Variants in ADGRG5 observed in about 807,000 individuals in gnomAD.
The protein encoded by ADGRG5 is adhesion G protein-coupled receptor G5.
ADGRG5 carries 37 observed loss-of-function variants against 53.2 expected under a neutral mutation model. The observed-to-expected ratio is 0.70, with a 90% CI of 0.53 to 0.91. The LOEUF (loss-of-function observed/expected upper bound fraction) is 0.91, where lower values mean the gene tolerates loss of function less well. Ranked by LOEUF, ADGRG5 falls within the 40% of genes least tolerant of loss-of-function variation. The pLI is 0.00. For missense variants in ADGRG5, 614 were observed against 675.8 expected (o/e 0.91, Z 1.01); for synonymous variants, 277 against 290.4 (o/e 0.95, Z 0.47).
upstream of ADGRG5, among the ~76,000 whole-genome samples, chr16:57,541,773 C>CT (rs555810939): frequency 1.3e-3 from 198 of 152,228 alleles, no homozygotes; most frequent in African/African-American, 4.6e-3. Context: ...ATTACCAACA[C>CT]TCTCTCTCTA....
At chr16:57,546,588 T>C (rs2032626284) in intron 1 of ADGRG5, among the ~76,000 whole-genome samples, 1 of 152,242 alleles carries the variant, frequency 6.6e-6, no homozygotes, top group Non-Finnish European at 1.5e-5. Flanking sequence ...TATGGCCTTC[T>C]TTTGGCCAGG....
At chr16:57,543,105 G>T (rs1221846238) in intron 1 of ADGRG5, 1 of 152,076 alleles carries the variant, frequency 6.6e-6, no homozygotes, top group Non-Finnish European at 1.5e-5. Context: ...GTTTGTGCTT[G>T]GCAATCTGGA....
chr16:57,574,163 G>A lies in ADGRG5; in HGVS notation c.1209-652G>A, dbSNP rs564611768. On this transcript the variant is annotated intron_variant, in intron 10 of 11. Coordinates refer to ENST00000349457, the MANE Select transcript of ADGRG5 (RefSeq NM_001304376.3). This position sits in a 1 kb window ranked among gnomAD's most constrained non-coding sequence, Gnocchi z 4.4. Reference sequence around the variant, plus strand: ...GGGGAGGCAAAGGGCAGAGGCCTCCGGGAGGGCGTGGGACCGGGGCTGGCT... The same window carrying A: ...GGGGAGGCAAAGGGCAGAGGCCTCCAGGAGGGCGTGGGACCGGGGCTGGCT... 3.3e-5 allele frequency among the ~76,000 whole-genome samples: 5 copies of A among 152,352 alleles called. No individual in the cohort carries two copies. The South Asian group carries it at 8.3e-4, about 25-fold the overall frequency.
At chr16:57,564,312 A>ATTT (rs5817100) in intron 5 of ADGRG5, among the ~76,000 whole-genome samples, 9 of 139,756 alleles carry the variant, frequency 6.4e-5, no homozygotes, top group African/African-American at 2.1e-4. Flanking sequence ...GACCTTACAG[A>ATTT]TTTTTTTTTT....
At chr16:57,548,086 C>T (rs1373551048) in intron 1 of ADGRG5, among the ~76,000 whole-genome samples, 2 of 151,834 alleles carry the variant, frequency 1.3e-5, no homozygotes, top group Admixed American at 1.3e-4. Context: ...ACTATGTTGC[C>T]TAGGCTGGTC....
intron 1 of ADGRG5, among the ~76,000 whole-genome samples, chr16:57,551,484 A>G (rs1448537460): frequency 6.6e-6 from 1 of 152,088 alleles, no homozygotes; most frequent in Non-Finnish European, 1.5e-5. Context: ...CCAGGAGTAG[A>G]TTCCATTTCA....
At chr16:57,573,076 C>G (rs1411671479) in intron 10 of ADGRG5, among the ~76,000 whole-genome samples, 1 of 152,124 alleles carries the variant, frequency 6.6e-6, no homozygotes, top group Admixed American at 6.5e-5. Context: ...TTGCAGGGGA[C>G]AAGTCACATA....
upstream of ADGRG5, among the ~76,000 whole-genome samples, chr16:57,537,869 G>A (rs2032427981): frequency 6.6e-6 from 1 of 152,182 alleles, no homozygotes; most frequent in African/African-American, 2.4e-5. Context: ...ATAGATAGGA[G>A]ATGTATGTGG....
Position 57,566,708 on chromosome 16 carries a change from TG to T in ADGRG5, c.657del (p.Leu220SerfsTer45). 6 of 1,582,144 alleles carry T rather than the reference TG, an allele frequency of 3.8e-6. No homozygotes were observed. Among genetic ancestry groups the T allele is most frequent in the Non-Finnish European group, 3.4e-6 (4 of 1,164,696 alleles). ...ACAGAGCAGCCCTCCCACTCTCAGG[TG>T]CTCTGCCGCTGCAACCACCTCACCT... is the stretch of plus-strand genomic sequence containing the variant. Reference protein sequence around the residue: ...CRTEQPSHSQVLCRCNHLTYF... With the variant: ...CRTEQPSHSQXLCRCNHLTYF... On this transcript the variant is annotated frameshift_variant, in exon 7 of 12. Transcript: ENST00000349457. LOFTEE classifies it high-confidence loss of function.
chr16:57,541,163 G>T (rs4784823), upstream of ADGRG5, among the ~76,000 whole-genome samples: 1 of 151,890 alleles, frequency 6.6e-6, no homozygotes, highest in Non-Finnish European at 1.5e-5. Context: ...GCTAAGTAAC[G>T]GGCACTAACT....
chr16:57,569,810 C>T (rs925256932), intron 9 of ADGRG5, among the ~76,000 whole-genome samples: 9 of 151,872 alleles, frequency 5.9e-5, no homozygotes, highest in Non-Finnish European at 1.3e-4. Context: ...ATCTCCTCCA[C>T]CTCTATCATC....
chr16:57,565,285 G>T, intron 6 of ADGRG5, 135 bp downstream of exon 6: 1 of 658,234 alleles, frequency 1.5e-6, no homozygotes, highest in Non-Finnish European at 2.8e-6. Flanking sequence ...TCCTGCTCAA[G>T]AAATAAGAGA....
In ADGRG5 at chr16:57,565,029, TC is replaced by T; in HGVS notation, c.430-3del. On this transcript the variant is annotated splice_polypyrimidine_tract_variant and splice_region_variant and intron_variant, in intron 5 of 11. Transcript: ENST00000349457. ...CACTCAGCCCTTCTCCTGCTGCCCT[TC>T]CAGGATGAAAACAACTCATCTCTGC... The T allele has an allele frequency of 2.5e-6, 4 of 1,599,178 alleles. No individual in the cohort carries two copies. The highest frequency in any genetic ancestry group is 2.6e-6 in the Non-Finnish European group (3 of 1,166,792).
intron 1 of ADGRG5, among the ~76,000 whole-genome samples, chr16:57,561,614 G>T (rs1328543593): frequency 6.6e-6 from 1 of 152,208 alleles, no homozygotes; most frequent in Non-Finnish European, 1.5e-5. Context: ...TGAAGCAGAA[G>T]TTTATTAGTT....
intron 2 of ADGRG5, 73 bp downstream of exon 2, chr16:57,562,230 C>T (rs1324088716): frequency 6.7e-7 from 1 of 1,499,308 alleles, no homozygotes; most frequent in Non-Finnish European, 9.1e-7. Context: ...GGGGAGGCGT[C>T]AAACCATGGG....
At chr16:57,564,294 T>C (rs1316781122) in intron 5 of ADGRG5, among the ~76,000 whole-genome samples, 1 of 151,642 alleles carries the variant, frequency 6.6e-6, no homozygotes, top group Non-Finnish European at 1.5e-5. Context: ...TCTTGATGCC[T>C]AGACTAAGAC....
At chr16:57,558,723 A>C (rs1462387621) in intron 1 of ADGRG5, among the ~76,000 whole-genome samples, 1 of 151,982 alleles carries the variant, frequency 6.6e-6, no homozygotes, top group Non-Finnish European at 1.5e-5. Flanking sequence ...GGGGATCTTG[A>C]GTGGAAGTGA....
At chr16:57,529,988 C>T in the ADGRG5 span, among the ~76,000 whole-genome samples, 1 of 152,156 alleles carries the variant, frequency 6.6e-6, no homozygotes, top group Non-Finnish European at 1.5e-5. The surrounding 1 kb of genome is among the most constrained non-coding windows in gnomAD (Gnocchi z 4.1). Context: ...CTCATTTATT[C>T]CTTAAAGAGT....
At chr16:57,544,442 A>C (rs1204107647) in intron 1 of ADGRG5, among the ~76,000 whole-genome samples, 2 of 152,052 alleles carry the variant, frequency 1.3e-5, no homozygotes, top group African/African-American at 4.8e-5. Flanking sequence ...GCTCCTGGGA[A>C]AGGGGGTGGA....
Sources: gnomAD v4.1 joint callset for allele counts (sites outside exome capture counted in the v4.1 genomes callset) on GRCh38, gnomAD v4.1.1 for gene constraint, Gnocchi (gnomAD v3.1) non-coding constraint, MANE v1.5 for transcripts, NCBI Gene and HGNC (gene_info 2026-07-23, HGNC 2026-07-21) for gene names.